Variants in NLGN1 observed in about 807,000 individuals in gnomAD.
The protein encoded by NLGN1 is neuroligin-1.
Under a neutral mutation model 65.5 loss-of-function variants are expected in NLGN1, and 12 were observed. The observed-to-expected ratio is 0.18, with a 90% CI of 0.12 to 0.30. The LOEUF (loss-of-function observed/expected upper bound fraction) is 0.30. Among genes scored for constraint, NLGN1 ranks in the 10% least tolerant of loss-of-function variants. The pLI, the probability that NLGN1 is intolerant of heterozygous loss-of-function variation, is 1.00. For synonymous variants in NLGN1, 350 were observed against 359.5 expected, an observed-to-expected ratio of 0.97 and a Z score of 0.30; for missense variants, 750 against 1,007.1, an observed-to-expected ratio of 0.74 and a Z score of 3.46.
At chr3:173,917,698 G>C (rs1340529087) in intron 4 of NLGN1, among the ~76,000 whole-genome samples, 1 of 152,158 alleles carries the variant, frequency 6.6e-6, no homozygotes, top group Non-Finnish European at 1.5e-5. Flanking sequence ...CCAAAGGTAA[G>C]GCAGAAATTC....
In NLGN1 at chr3:174,208,678, A is replaced by G. The variant is rs111515745; in HGVS notation, c.647-66637A>G. Among the ~76,000 whole-genome samples, 848 of 139,272 alleles carry G rather than the reference A, an allele frequency of 6.1e-3. 7 individuals are homozygous for G. The highest frequency in any genetic ancestry group is 0.02 in the African/African-American group (786 of 38,960). The allele number at this position is 139,272 out of a possible 152,430, so 91.4% of individuals were successfully genotyped here. A position where few individuals can be genotyped will look rare whatever the true frequency, so the allele number is the denominator to read the frequency against. On this transcript the variant is annotated intron_variant, in intron 4 of 6. Coordinates refer to ENST00000457714, the Ensembl canonical transcript of NLGN1. ...GCCATTATAGGGAAAAAAAAAAAAAAAAGGAGAACAATAATTTATCAATCA... is the reference window on the plus strand; with the variant it reads ...GCCATTATAGGGAAAAAAAAAAAAAGAAGGAGAACAATAATTTATCAATCA...
intron 5 of NLGN1, among the ~76,000 whole-genome samples, chr3:174,277,903 G>A (rs1373724074): frequency 6.6e-6 from 1 of 151,726 alleles, no homozygotes; most frequent in South Asian, 2.1e-4. Context: ...TTTGGAAATT[G>A]ATAAAATTGA....
intron 3 of NLGN1, among the ~76,000 whole-genome samples, chr3:173,691,057 A>C (rs1344593038): frequency 6.6e-6 from 1 of 152,120 alleles, no homozygotes; most frequent in East Asian, 1.9e-4. Context: ...GGAGGAGTGG[A>C]AGCTTTGAAG....
At chr3:173,476,195 G>C (rs762788942) in intron 2 of NLGN1, among the ~76,000 whole-genome samples, 13 of 152,210 alleles carry the variant, frequency 8.5e-5, no homozygotes, top group Non-Finnish European at 1.3e-4. Context: ...AGTGCTGCCT[G>C]AGTGGGGACT....
intron 2 of NLGN1, among the ~76,000 whole-genome samples, chr3:173,442,940 A>G (rs923930174): frequency 7.2e-5 from 11 of 152,186 alleles, no homozygotes; most frequent in Non-Finnish European, 1.5e-5. Context: ...AAGTAAATAT[A>G]ATATAATACT....
At chr3:173,655,097 T>G (rs1304027884) in intron 3 of NLGN1, among the ~76,000 whole-genome samples, 1 of 152,144 alleles carries the variant, frequency 6.6e-6, no homozygotes, top group African/African-American at 2.4e-5. Context: ...AGCATATAGT[T>G]TGCACCTTGC....
At chr3:173,811,523 C>T (rs1048562850) in intron 4 of NLGN1, among the ~76,000 whole-genome samples, 1 of 144,810 alleles carries the variant, frequency 6.9e-6, no homozygotes, top group South Asian at 2.2e-4. Flanking sequence ...GCTGAGATTG[C>T]GCCATTACAC....
intron 4 of NLGN1, among the ~76,000 whole-genome samples, chr3:173,885,283 A>G (rs1409964190): frequency 8.5e-5 from 13 of 152,126 alleles, no homozygotes; most frequent in Admixed American, 8.5e-4. Context: ...ACATATTCAT[A>G]TACAGTGTGC....
intron 2 of NLGN1, among the ~76,000 whole-genome samples, chr3:173,583,651 A>G (rs1035596229): frequency 6.6e-6 from 1 of 152,210 alleles, no homozygotes; most frequent in African/African-American, 2.4e-5. Context: ...CGCTTGGGAA[A>G]ACAAAGTCCT....
At chr3:173,678,105 C>T (rs1471181306) in intron 3 of NLGN1, among the ~76,000 whole-genome samples, 1 of 152,048 alleles carries the variant, frequency 6.6e-6, no homozygotes, top group Non-Finnish European at 1.5e-5. Flanking sequence ...TTGAAACAGC[C>T]TCTGAATTGA....
chr3:173,994,190 C>T (rs147812096), intron 4 of NLGN1, among the ~76,000 whole-genome samples: 1 of 152,156 alleles, frequency 6.6e-6, no homozygotes, highest in Non-Finnish European at 1.5e-5. Context: ...TCACTGCAGC[C>T]TTGACCTCCC....
At chr3:173,840,278 C>A (rs931818373) in intron 4 of NLGN1, among the ~76,000 whole-genome samples, 2 of 152,266 alleles carry the variant, frequency 1.3e-5, no homozygotes, top group Middle Eastern at 3.4e-3. Context: ...TAATAACTTA[C>A]AACAAGCAGT....
intron 4 of NLGN1, among the ~76,000 whole-genome samples, chr3:174,261,709 CT>C (rs1264175747): frequency 7.1e-6 from 1 of 140,608 alleles, no homozygotes; most frequent in East Asian, 2.9e-4. Flanking sequence ...CTGGCCAGAA[CT>C]TCCAACACTA....
chr3:174,197,529 A>AAAG (rs1733668185), intron 4 of NLGN1, among the ~76,000 whole-genome samples: 1 of 151,030 alleles, frequency 6.6e-6, no homozygotes, highest in African/African-American at 2.4e-5. Context: ...AAAAAAAAAA[A>AAAG]AAAAAAAAGG....
chr3:173,418,206 A>G (rs1714192477), intron 1 of NLGN1, among the ~76,000 whole-genome samples: 1 of 151,392 alleles, frequency 6.6e-6, no homozygotes, highest in South Asian at 2.1e-4. Flanking sequence ...TGGAAGATGT[A>G]ATTATTATAA....
At chr3:173,442,225 C>A (rs1232721461) in intron 2 of NLGN1, among the ~76,000 whole-genome samples, 1 of 152,166 alleles carries the variant, frequency 6.6e-6, no homozygotes, top group South Asian at 2.1e-4. Flanking sequence ...ATTTTAAAAT[C>A]ATTAATTATT....
chr3:174,191,119 G>C (rs1246498079), intron 4 of NLGN1, among the ~76,000 whole-genome samples: 1 of 151,990 alleles, frequency 6.6e-6, no homozygotes, highest in Non-Finnish European at 1.5e-5. Context: ...ATTATGAAAG[G>C]CATTCAAAGT....
chr3:174,063,045 A>G (rs1247837915), intron 4 of NLGN1, among the ~76,000 whole-genome samples: 4 of 152,142 alleles, frequency 2.6e-5, no homozygotes, highest in African/African-American at 4.8e-5. Flanking sequence ...AGAAAACTCT[A>G]TTATCTAGCA....
At chr3:174,269,498 T>C (rs896210862) in intron 4 of NLGN1, among the ~76,000 whole-genome samples, 22 of 152,018 alleles carry the variant, frequency 1.4e-4, no homozygotes, top group African/African-American at 5.3e-4. Context: ...ATCCATGTTG[T>C]AGCATGTAAC....
Sources: gnomAD v4.1 joint callset for allele counts (sites outside exome capture counted in the v4.1 genomes callset) on GRCh38, gnomAD v4.1.1 for gene constraint, MANE v1.5 for transcripts, NCBI Gene and HGNC (gene_info 2026-07-23, HGNC 2026-07-21) for gene names.